The following GK5 variants were observed in gnomAD, a reference collection of about 807,000 sequenced individuals.
GK5 encodes the protein glycerol kinase 5.
GK5 carries 39 observed loss-of-function variants against 77.3 expected under a neutral mutation model. The ratio of observed to expected loss-of-function variants is 0.50; its 90% CI spans 0.39 to 0.66. The LOEUF (loss-of-function observed/expected upper bound fraction) is 0.66, where lower values mean the gene tolerates loss of function less well. GK5 is among the 30% of genes least tolerant of loss of function. The pLI, the probability that GK5 is intolerant of heterozygous loss-of-function variation, is 0.00. For missense variants in GK5, 487 were observed against 633.8 expected, an observed-to-expected ratio of 0.77 and a Z score of 2.49; for synonymous variants, 211 against 208.0, an observed-to-expected ratio of 1.01 and a Z score of -0.13.
intron 4 of GK5, among the ~76,000 whole-genome samples, chr3:142,202,609 A>G (rs1424641882): frequency 6.6e-6 from 1 of 152,214 alleles, no homozygotes; most frequent in Non-Finnish European, 1.5e-5. Flanking sequence ...CAAGTAGACA[A>G]AAGTGCTTTA....
At chr3:142,209,676 T>C (rs1482072668) in intron 3 of GK5, among the ~76,000 whole-genome samples, 2 of 151,964 alleles carry the variant, frequency 1.3e-5, no homozygotes, top group East Asian at 1.9e-4. Context: ...TATCAAATAC[T>C]ACAATAAAAA....
chr3:142,177,488 T>A lies in GK5; in HGVS notation c.1137A>T (p.Gly379=). ...AACTTTAAAAAATACATACCTGTAA[T>A]CCACTAAAAGATGGAACAAAACAAA... ...EGVCFVPSFS[G]LQAPLNDPWA... is the part of the protein sequence containing the mutation. Residue 379 remains glycine, a synonymous_variant, in exon 12 of 16, where the codon GGA becomes GGT. Coordinates refer to ENST00000392993, the MANE Select transcript of GK5 (RefSeq NM_001039547.3). 1.3e-6 allele frequency: 2 copies of A among 1,588,486 alleles called. No homozygotes were observed. Among genetic ancestry groups the A allele is most frequent in the Non-Finnish European group, 1.7e-6 (2 of 1,158,404 alleles).
At chr3:142,197,781 T>G (rs1019521619) in intron 5 of GK5, among the ~76,000 whole-genome samples, 15 of 152,146 alleles carry the variant, frequency 9.9e-5, no homozygotes, top group African/African-American at 3.4e-4. Context: ...TCCCAGCACT[T>G]TGGGAGGCTG....
chr3:142,187,740 TC>T lies in GK5; in HGVS notation c.582del (p.Thr195LeufsTer39). The T allele has an allele frequency of 3.1e-6, 5 of 1,612,632 alleles. No homozygotes were observed. The highest frequency in any genetic ancestry group is 4.2e-6 in the Non-Finnish European group (5 of 1,179,558). ...KAVEEENCCFGTIDTWLLYKL... is the reference protein window; with the variant it reads ...KAVEEENCCFXTIDTWLLYKL... ...TTATATAACAACCAGGTATCAATAG[TC>T]CCAAAGCAGCAATTTTCTTCTTCAA... On this transcript the variant is annotated frameshift_variant, in exon 6 of 16. Coordinates refer to ENST00000392993, the MANE Select transcript of GK5 (RefSeq NM_001039547.3). LOFTEE classifies it high-confidence loss of function.
At chr3:142,194,526 GAA>G (rs1422654922) in intron 5 of GK5, among the ~76,000 whole-genome samples, 6 of 129,516 alleles carry the variant, frequency 4.6e-5, no homozygotes, top group Non-Finnish European at 6.7e-5. Context: ...ACTCCATCTC[GAA>G]AAAAAAAAAA....
chr3:142,213,334 TATATA>T (rs1394367884), intron 3 of GK5, among the ~76,000 whole-genome samples, 187 bp downstream of exon 3: 13 of 152,314 alleles, frequency 8.5e-5, no homozygotes, highest in African/African-American at 2.2e-4. Context: ...TTTGTGGTAT[TATATA>T]ATATAAGTCA....
intron 8 of GK5, 101 bp from the exon 9 acceptor site, chr3:142,186,090 G>A: frequency 8.7e-7 from 1 of 1,144,576 alleles, no homozygotes; most frequent in East Asian, 2.3e-5. Flanking sequence ...GTTACATAAT[G>A]AACATACAAG....
At chr3:142,171,980 T>G (rs2063545519) in intron 13 of GK5, among the ~76,000 whole-genome samples, 1 of 152,160 alleles carries the variant, frequency 6.6e-6, no homozygotes, top group African/African-American at 2.4e-5. Context: ...TGCAGAAGAA[T>G]AATTCTGATG....
intron 12 of GK5, among the ~76,000 whole-genome samples, chr3:142,173,631 C>T (rs1451639634): frequency 2.0e-5 from 3 of 152,082 alleles, no homozygotes; most frequent in Middle Eastern, 3.2e-3. Context: ...TTGCAGCGAG[C>T]GGAGATGGCG....
intron 3 of GK5, among the ~76,000 whole-genome samples, chr3:142,208,269 G>A (rs150267455): frequency 2.0e-5 from 3 of 152,150 alleles, no homozygotes; most frequent in East Asian, 1.9e-4. Flanking sequence ...ATAAACAAAT[G>A]AAAAAATAAA....
intron 3 of GK5, among the ~76,000 whole-genome samples, chr3:142,208,041 T>C (rs1245806192): frequency 6.6e-6 from 1 of 152,234 alleles, no homozygotes; most frequent in East Asian, 1.9e-4. Flanking sequence ...CCTACCAAGA[T>C]GCACACCTTC....
chr3:142,158,096 C>CG lies in GK5; in HGVS notation c.*7525_*7526insC, dbSNP rs2063396787. On this transcript the variant is annotated 3_prime_UTR_variant, in exon 16 of 16. Coordinates refer to ENST00000392993, the MANE Select transcript of GK5 (RefSeq NM_001039547.3). ...CCTCCCGAGTAGCTGGGAGTACAGG[C>CG]ACCCGCCACCACGCCTGGCTAATTT... 6.6e-6 allele frequency: 1 copy of CG among 152,014 alleles called. No individual in the cohort carries two copies. The highest frequency in any genetic ancestry group is 2.4e-5 in the African/African-American group (1 of 41,344). 9.4% of individuals were successfully genotyped at this position (152,014 alleles called of 1,614,324 possible).
At chr3:142,179,311 C>T (rs1211515769) in intron 11 of GK5, among the ~76,000 whole-genome samples, 2 of 152,064 alleles carry the variant, frequency 1.3e-5, no homozygotes, top group Non-Finnish European at 2.9e-5. Flanking sequence ...TTATCAAATC[C>T]GTAAGTTTCA....
intron 4 of GK5, among the ~76,000 whole-genome samples, chr3:142,200,241 G>A (rs1262741137): frequency 6.6e-6 from 1 of 151,942 alleles, no homozygotes; most frequent in Non-Finnish European, 1.5e-5. Context: ...CAATCTCAGC[G>A]CAATGCAACC....
chr3:142,188,357 C>T (rs146060133), intron 5 of GK5, among the ~76,000 whole-genome samples: 228 of 152,286 alleles, frequency 1.5e-3, no homozygotes, highest in African/African-American at 4.6e-3. Context: ...TGGTGAAACC[C>T]TGTCTCTACT....
chr3:142,178,280 ACCTGTAATATAATAC>A (rs1421642596), intron 11 of GK5, among the ~76,000 whole-genome samples: 1 of 152,194 alleles, frequency 6.6e-6, no homozygotes, highest in Non-Finnish European at 1.5e-5. Flanking sequence ...AGTATCATCT[ACCTGTAATATAATAC>A]CCAAGAAAAT....
intron 15 of GK5, among the ~76,000 whole-genome samples, chr3:142,167,350 G>C (rs541870280): frequency 6.6e-6 from 1 of 151,696 alleles, no homozygotes. Flanking sequence ...CTCCAGCTTG[G>C]GCTACAGAGT....
At chr3:142,206,155 A>G (rs1349764135) in intron 3 of GK5, among the ~76,000 whole-genome samples, 7 of 152,254 alleles carry the variant, frequency 4.6e-5, no homozygotes, top group African/African-American at 1.2e-4. Flanking sequence ...CCATTTATCA[A>G]TTCATCTGTT....
At chr3:142,194,145 A>C (rs538671541) in intron 5 of GK5, among the ~76,000 whole-genome samples, 1 of 152,238 alleles carries the variant, frequency 6.6e-6, no homozygotes, top group African/African-American at 2.4e-5. Flanking sequence ...AGCACTTTGG[A>C]AGGCTGGGGT....
Sources: gnomAD v4.1 joint callset for allele counts (sites outside exome capture counted in the v4.1 genomes callset) on GRCh38, gnomAD v4.1.1 for gene constraint, MANE v1.5 for transcripts, NCBI Gene and HGNC (gene_info 2026-07-23, HGNC 2026-07-21) for gene names.